The following METTL15 variants were observed in gnomAD, a reference collection of about 807,000 sequenced individuals.
METTL15 encodes the protein 12S rRNA N(4)-cytidine methyltransferase METTL15.
Under a neutral mutation model 38.3 loss-of-function variants are expected in METTL15, and 34 were observed. The ratio of observed to expected loss-of-function variants is 0.89; its 90% CI spans 0.68 to 1.18. The LOEUF (loss-of-function observed/expected upper bound fraction) is 1.18, where lower values mean the gene tolerates loss of function less well. METTL15 is among the 50% of genes most tolerant of loss of function. METTL15 has a pLI of 0.00. For synonymous variants in METTL15, 162 were observed against 170.9 expected, an observed-to-expected ratio of 0.95 and a Z score of 0.41; for missense variants, 438 against 498.4, an observed-to-expected ratio of 0.88 and a Z score of 1.15.
rs1241054371 is a variant in METTL15 at position 28,296,987 on chromosome 11, G to A, written c.778+56G>A. ...GAGAAAAAATTATATTTACATGTGTGCATGTGTTTGTGTGCATGCACGCAT... is the reference window on the plus strand; with the variant it reads ...GAGAAAAAATTATATTTACATGTGTACATGTGTTTGTGTGCATGCACGCAT... On this transcript the variant is annotated intron_variant, in intron 6 of 6. Coordinates refer to ENST00000407364, the MANE Select transcript of METTL15 (RefSeq NM_001113528.2). 7 of 1,574,794 alleles carry A rather than the reference G, an allele frequency of 4.4e-6. No homozygotes were observed. In the Admixed American group the frequency reaches 8.4e-5, roughly 19 times the overall value.
chr11:28,368,661 CA>C (rs1296780683), intron 5 of METTL15, among the ~76,000 whole-genome samples: 2 of 152,112 alleles, frequency 1.3e-5, no homozygotes. Context: ...GGTATATACC[CA>C]AAGAACTATA....
At chr11:28,126,152 A>G (rs1158037267) in intron 3 of METTL15, among the ~76,000 whole-genome samples, 2 of 152,120 alleles carry the variant, frequency 1.3e-5, no homozygotes, top group East Asian at 3.9e-4. Flanking sequence ...AGATATACAC[A>G]TGGCTGACTC....
intron 6 of METTL15, among the ~76,000 whole-genome samples, chr11:28,522,414 T>TGAACTC (rs1851772044): frequency 6.6e-6 from 1 of 152,226 alleles, no homozygotes; most frequent in African/African-American, 2.4e-5. Context: ...CCAAAGGTTG[T>TGAACTC]CTCCTGCAGC....
At chr11:28,335,024 A>T (rs556210184), downstream of METTL15, among the ~76,000 whole-genome samples, 2 of 152,196 alleles carry the variant, frequency 1.3e-5, no homozygotes, top group African/African-American at 4.8e-5. Context: ...CTGTTGTCCT[A>T]TTAAATATAT....
At chr11:28,297,139 C>CA (rs1470751233) in intron 6 of METTL15, among the ~76,000 whole-genome samples, 4 of 151,762 alleles carry the variant, frequency 2.6e-5, no homozygotes, top group African/African-American at 4.8e-5. Flanking sequence ...GCTTCTCCCC[C>CA]AAAAAACCTC....
intron 4 of METTL15, among the ~76,000 whole-genome samples, chr11:28,263,137 A>G (rs1855276685): frequency 6.6e-6 from 1 of 152,024 alleles, no homozygotes; most frequent in African/African-American, 2.4e-5. Flanking sequence ...CAGTATGTTC[A>G]TTAGAGTATA....
chr11:28,194,176 T>TTTCTTTCTTTCTTTC, intron 3 of METTL15, among the ~76,000 whole-genome samples: 1 of 5,346 alleles, frequency 1.9e-4, no homozygotes, highest in African/African-American at 8.3e-4. Flanking sequence ...TTCTTTCTTT[T>TTTCTTTCTTTCTTTC]TCTCTCTCTC....
intron 3 of METTL15, among the ~76,000 whole-genome samples, chr11:28,175,072 A>G (rs992720026): frequency 2.0e-5 from 3 of 151,816 alleles, no homozygotes; most frequent in African/African-American, 7.3e-5. Flanking sequence ...ACATTAGGTA[A>G]ATCTCCAAAT....
At chr11:28,263,401 G>A (rs191785696) in intron 4 of METTL15, among the ~76,000 whole-genome samples, 2 of 152,178 alleles carry the variant, frequency 1.3e-5, no homozygotes, top group Middle Eastern at 3.4e-3. Flanking sequence ...TAGTCAAGGT[G>A]ATAAAGACAA....
intron 6 of METTL15, among the ~76,000 whole-genome samples, chr11:28,514,065 T>A (rs12363459): frequency 0.44 from 66,379 of 152,100 alleles, 15,227 homozygotes; most frequent in Admixed American, 0.54. Flanking sequence ...TCACTTAATG[T>A]GGTAGACATT....
chr11:28,404,359 A>G (rs1850656595), intron 5 of METTL15, among the ~76,000 whole-genome samples: 2 of 152,212 alleles, frequency 1.3e-5, no homozygotes, highest in Middle Eastern at 3.4e-3. Flanking sequence ...AATAATAGAT[A>G]TGTATTACTC....
chr11:28,237,289 CTTTG>C (rs1465889433), intron 4 of METTL15, among the ~76,000 whole-genome samples: 1 of 152,094 alleles, frequency 6.6e-6, no homozygotes, highest in African/African-American at 2.4e-5. Flanking sequence ...TTCTTGGAGG[CTTTG>C]TTTGTTTCTT....
rs1440553345 is a variant in METTL15, at chr11:28,110,335, T to A, written c.-84T>A. On this transcript the variant is annotated 5_prime_UTR_variant, in exon 2 of 7. Transcript: ENST00000407364. Reference sequence around the variant, plus strand: ...ACCTAGACGCGCGGCGCATTCAGGTTCTCCTGGACCGTAGTGGTAGTCGCT... The same window carrying A: ...ACCTAGACGCGCGGCGCATTCAGGTACTCCTGGACCGTAGTGGTAGTCGCT... The A allele has an allele frequency of 6.6e-6, 1 of 152,104 alleles. No homozygotes were observed. Among genetic ancestry groups the A allele is most frequent in the African/African-American group, 2.4e-5 (1 of 41,404 alleles). 9.4% of individuals were successfully genotyped at this position (152,104 alleles called of 1,614,324 possible). A position where few individuals can be genotyped will look rare whatever the true frequency, so the allele number is the denominator to read the frequency against.
At chr11:28,154,897 T>C (rs1850210749) in intron 3 of METTL15, among the ~76,000 whole-genome samples, 1 of 152,148 alleles carries the variant, frequency 6.6e-6, no homozygotes, top group African/African-American at 2.4e-5. Context: ...CAGTATAAGA[T>C]GATTTTAGCG....
intron 6 of METTL15, among the ~76,000 whole-genome samples, chr11:28,439,847 C>G (rs1002045083): frequency 2.6e-5 from 4 of 152,224 alleles, no homozygotes; most frequent in Non-Finnish European, 4.4e-5. Context: ...AAACTTGCCA[C>G]ATGTTAGCAG....
intron 5 of METTL15, among the ~76,000 whole-genome samples, chr11:28,389,228 C>G (rs929449970): frequency 7.3e-5 from 1 of 13,782 alleles, no homozygotes. Context: ...AATAGTATTT[C>G]TAGTTCTTTT....
At position 28,165,779 on chromosome 11, in the gene METTL15, G is replaced by A. The variant is rs535463013; in HGVS notation, c.271-45283G>A. On this transcript the variant is annotated intron_variant, in intron 3 of 6. Coordinates refer to ENST00000407364, the MANE Select transcript of METTL15 (RefSeq NM_001113528.2). ...CATATGTTTTCTTCTAGTAGTTTTC[G>A]TATTTTCTGATAATGTATTTAAGTC... is the stretch of plus-strand genomic sequence containing the variant. Among the ~76,000 whole-genome samples the A allele has an allele frequency of 2.0e-4, 31 of 151,920 alleles. 1 individual carries two copies. Among genetic ancestry groups the A allele is most frequent in the African/African-American group, 5.1e-4 (21 of 41,462 alleles).
At chr11:28,299,988 A>C (rs1049576984) in intron 6 of METTL15, among the ~76,000 whole-genome samples, 3 of 152,062 alleles carry the variant, frequency 2.0e-5, no homozygotes. Flanking sequence ...TAAGGACACC[A>C]GTCATGTTGG....
At chr11:28,154,809 A>G (rs1022646778) in intron 3 of METTL15, among the ~76,000 whole-genome samples, 2 of 152,146 alleles carry the variant, frequency 1.3e-5, no homozygotes, top group African/African-American at 2.4e-5. Flanking sequence ...TCCCTCTTAC[A>G]CAGGGTCTCT....
Sources: allele counts gnomAD v4.1 joint callset (sites outside exome capture counted in the v4.1 genomes callset), GRCh38; gene constraint gnomAD v4.1.1; transcripts MANE v1.5; gene names NCBI Gene and HGNC (gene_info 2026-07-23, HGNC 2026-07-21).